GALNT3: variants seen among roughly 807,000 people sequenced by gnomAD.
The protein encoded by GALNT3 is GalNAc transferase 3.
In GALNT3, 51 loss-of-function variants were observed where a neutral mutation model predicts 69.8. The ratio of observed to expected loss-of-function variants is 0.73; its 90% CI spans 0.58 to 0.92. The LOEUF is 0.92. GALNT3 is among the 40% of genes least tolerant of loss of function. GALNT3 has a pLI of 0.00. For missense variants in GALNT3, 711 were observed against 760.0 expected, an observed-to-expected ratio of 0.94 and a Z score of 0.76; for synonymous variants, 265 against 248.5, an observed-to-expected ratio of 1.07 and a Z score of -0.63.
chr2:165,790,222 C>CA (rs1385195832), intron 1 of GALNT3, among the ~76,000 whole-genome samples: 1 of 151,986 alleles, frequency 6.6e-6, no homozygotes, highest in Non-Finnish European at 1.5e-5. Flanking sequence ...TCTTTAGTGC[C>CA]AAAAATAAGA....
chr2:165,785,432 G>A (rs566818775), intron 1 of GALNT3, among the ~76,000 whole-genome samples: 2 of 152,024 alleles, frequency 1.3e-5, no homozygotes, highest in East Asian at 1.9e-4. Context: ...TGGTGTCAGA[G>A]GGCAACAGTG....
intron 9 of GALNT3, among the ~76,000 whole-genome samples, chr2:165,750,899 G>A (rs1442330425): frequency 2.0e-5 from 3 of 152,006 alleles, no homozygotes; most frequent in Non-Finnish European, 4.4e-5. Flanking sequence ...TTTCTGCCTG[G>A]CTAACTCCTT....
At position 165,757,072 on chromosome 2, in the gene GALNT3, G is replaced by A. The variant is rs749399439; in HGVS notation, c.1367C>T (p.Thr456Ile). 4 of 1,613,742 alleles carry A rather than the reference G, an allele frequency of 2.5e-6. No individual in the cohort carries two copies. The highest frequency in any genetic ancestry group is 1.1e-5 in the South Asian group (1 of 91,072). The change falls in exon 7 of 11, where the codon ACA (threonine) becomes ATA (isoleucine). Residue 456 changes from threonine (T) to isoleucine (I), a missense_variant. By Grantham distance (89) the Thr-to-Ile change is moderately conservative. Coordinates refer to ENST00000392701, the MANE Select transcript of GALNT3 (RefSeq NM_004482.4). ...TTGTTTAACAATTTTTGCTGCATCT[G>A]TATTTCTCCTATAAAATATTTCCTT... ...EYKEIFYRRN[T>I]DAAKIVKQKA...
rs1354698475 is a variant in GALNT3, at chr2:165,748,015, CTAG to C, written c.*763_*765del. 1 of 177,778 alleles carries C rather than the reference CTAG, an allele frequency of 5.6e-6. No individual in the cohort carries two copies. The highest frequency in any genetic ancestry group is 6.3e-5 in the Admixed American group (1 of 15,820). The allele number at this position is 177,778 out of a possible 1,614,324, so 11.0% of individuals were successfully genotyped here. A position where few individuals can be genotyped will look rare whatever the true frequency, so the allele number is the denominator to read the frequency against. Reference sequence around the variant, plus strand: ...AGTGAATTTTGGTAAGAAAAAAATACTAGAAGAAAGGAAAAGGACACCTTTTCA... The same window carrying C: ...AGTGAATTTTGGTAAGAAAAAAATACAAGAAAGGAAAAGGACACCTTTTCA... On this transcript the variant is annotated 3_prime_UTR_variant, in exon 11 of 11. Transcript: ENST00000392701.
Position 165,758,774 on chromosome 2 carries a change from TC to T in GALNT3, c.1163del (p.Gly388GlufsTer5). 6.3e-7 allele frequency: 1 copy of T among 1,595,466 alleles called. No individual in the cohort carries two copies. The highest frequency in any genetic ancestry group is 8.6e-7 in the Non-Finnish European group (1 of 1,163,244). ...GSYDEEMEIW[G>X]GENIEMSFRV... ...TGAAAGACATTTCTATATTTTCACCTCCCCAGATTTCCATTTCTTCATCATA... is the reference window on the plus strand; with the variant it reads ...TGAAAGACATTTCTATATTTTCACCTCCCAGATTTCCATTTCTTCATCATA... On this transcript the variant is annotated frameshift_variant, in exon 6 of 11. Coordinates refer to ENST00000392701, the MANE Select transcript of GALNT3 (RefSeq NM_004482.4). LOFTEE classifies it high-confidence loss of function.
chr2:165,757,039 TA>T lies in GALNT3; in HGVS notation c.1392+7del, dbSNP rs1558995493. 11 of 1,602,412 alleles carry T rather than the reference TA, an allele frequency of 6.9e-6. No individual in the cohort carries two copies. Among genetic ancestry groups the T allele is most frequent in the Non-Finnish European group, 9.4e-6 (11 of 1,169,704 alleles). On this transcript the variant is annotated splice_region_variant and intron_variant, in intron 7 of 10. Transcript: ENST00000392701. ...TTATTGCAATTTAACTACTTAGCTTTAACTTACTTGTTTAACAATTTTTGCT... is the reference window on the plus strand; with the variant it reads ...TTATTGCAATTTAACTACTTAGCTTTACTTACTTGTTTAACAATTTTTGCT...
At chr2:165,754,890 C>T in intron 8 of GALNT3, 42 bp downstream of exon 8, 1 of 1,604,682 alleles carries the variant, frequency 6.2e-7, no homozygotes, top group Non-Finnish European at 8.5e-7. Flanking sequence ...AGGTTGGTGG[C>T]AAGGAGTATA....
In GALNT3 at chr2:165,756,975, T is replaced by A. The variant is rs553897477; in HGVS notation, c.1392+72A>T. The A allele has an allele frequency of 3.4e-5, 40 of 1,174,298 alleles. No homozygotes were observed. The African/African-American group carries it at 5.7e-4, about 17-fold the overall frequency. The allele number at this position is 1,174,298 out of a possible 1,614,324, so 72.7% of individuals were successfully genotyped here. On this transcript the variant is annotated intron_variant, in intron 7 of 10. Coordinates refer to ENST00000392701, the MANE Select transcript of GALNT3 (RefSeq NM_004482.4). Reference sequence around the variant, plus strand: ...ATTTTTTGATGTTTTGTACTTGAGATGAATCGACGCAAAAGGACGTGTGAA... The same window carrying A: ...ATTTTTTGATGTTTTGTACTTGAGAAGAATCGACGCAAAAGGACGTGTGAA...
Position 165,759,567 on chromosome 2 carries a change from T to C in GALNT3, c.842A>G (p.Glu281Gly). 2 of 1,610,588 alleles carry C rather than the reference T, an allele frequency of 1.2e-6. No homozygotes were observed. The highest frequency in any genetic ancestry group is 2.2e-5 in the South Asian group (2 of 90,982). Residue 281 changes from glutamate to glycine, a missense_variant, in exon 5 of 11, where the codon GAG becomes GGG. Physicochemically the swap from Glu to Gly is moderately conservative, Grantham distance 98. Coordinates refer to ENST00000392701, the MANE Select transcript of GALNT3 (RefSeq NM_004482.4). ...AGGTTCTAGCCAACCATAGAAACAC[T>C]CACCTGGAGGGAACAGAATTTTAAT... ...ETLTFLDAHC[E>G]CFYGWLEPLL... is the part of the protein sequence containing the mutation.
chr2:165,751,346 G>C (rs1459021885), intron 9 of GALNT3, among the ~76,000 whole-genome samples: 4 of 152,018 alleles, frequency 2.6e-5, no homozygotes, highest in Non-Finnish European at 1.5e-5. Context: ...TTAGTCTCAT[G>C]CTTAATTTAT....
intron 1 of GALNT3, among the ~76,000 whole-genome samples, chr2:165,776,081 A>G (rs940210341): frequency 4.6e-5 from 7 of 152,200 alleles, no homozygotes; most frequent in Non-Finnish European, 8.8e-5. Flanking sequence ...TAATTTTATA[A>G]ATATTTTATT....
intron 4 of GALNT3, among the ~76,000 whole-genome samples, chr2:165,760,673 G>A (rs1249108341): frequency 6.6e-6 from 1 of 152,118 alleles, no homozygotes; most frequent in Non-Finnish European, 1.5e-5. Context: ...AACTGAATGT[G>A]ATGGCTCTAA....
At position 165,758,815 on chromosome 2, in the gene GALNT3, C is replaced by A; in HGVS notation, c.1123G>T (p.Glu375Ter). ...GLFSISKEYF[E>*]YIGSYDEEME... ...TCTTCATCATAGCTTCCAATATACT[C>A]AAAATATTCTTTTGATATGGAAAAA... Residue 375 changes from glutamate to a stop codon, truncating the protein, a stop_gained, in exon 6 of 11, where the codon GAG (glutamate) becomes TAG (stop). Transcript: ENST00000392701. LOFTEE classifies it high-confidence loss of function. 3 of 1,611,534 alleles carry A rather than the reference C, an allele frequency of 1.9e-6. No individual in the cohort carries two copies. Among genetic ancestry groups the A allele is most frequent in the Non-Finnish European group, 2.5e-6 (3 of 1,177,936 alleles).
chr2:165,790,322 T>C (rs1683317080), intron 1 of GALNT3, among the ~76,000 whole-genome samples: 1 of 152,180 alleles, frequency 6.6e-6, no homozygotes, highest in South Asian at 2.1e-4. Flanking sequence ...TGTCTTTGCT[T>C]TGCAATAAGT....
At chr2:165,753,351 T>A (rs1688385848) in intron 9 of GALNT3, among the ~76,000 whole-genome samples, 1 of 151,714 alleles carries the variant, frequency 6.6e-6, no homozygotes, top group Non-Finnish European at 1.5e-5. Context: ...TCCTTCACAC[T>A]CTTCTTATTC....
chr2:165,774,909 CTTTTTTT>C (rs71031204), intron 1 of GALNT3, among the ~76,000 whole-genome samples: 22 of 104,328 alleles, frequency 2.1e-4, no homozygotes, highest in Admixed American at 9.0e-4. Context: ...CTTCTTCTCT[CTTTTTTT>C]TTTTTTTTTT....
chr2:165,789,758 C>T (rs1279655961), intron 1 of GALNT3, among the ~76,000 whole-genome samples: 2 of 151,788 alleles, frequency 1.3e-5, no homozygotes, highest in African/African-American at 4.8e-5. Flanking sequence ...ATATGGTTTA[C>T]ATAATCAATG....
chr2:165,776,703 A>G (rs557335870), intron 1 of GALNT3, among the ~76,000 whole-genome samples: 12 of 152,330 alleles, frequency 7.9e-5, no homozygotes, highest in African/African-American at 2.6e-4. Context: ...AAATATTCAT[A>G]AAGTGAAAAG....
intron 1 of GALNT3, among the ~76,000 whole-genome samples, chr2:165,791,098 G>A (rs966863850): frequency 6.6e-6 from 1 of 152,092 alleles, no homozygotes; most frequent in African/African-American, 2.4e-5. Context: ...CACAAAATAT[G>A]TATAATGAAC....
Sources: gnomAD v4.1 joint callset for allele counts (sites outside exome capture counted in the v4.1 genomes callset) on GRCh38, gnomAD v4.1.1 for gene constraint, MANE v1.5 for transcripts, NCBI Gene and HGNC (gene_info 2026-07-23, HGNC 2026-07-21) for gene names.